Variants in FCHO2 observed in about 807,000 individuals in gnomAD.
FCHO2 encodes FCH and mu domain containing endocytic adaptor 2.
FCHO2 carries 43 observed loss-of-function variants against 114.1 expected under a neutral mutation model. The ratio of observed to expected loss-of-function variants is 0.38; its 90% CI spans 0.30 to 0.49. The LOEUF (loss-of-function observed/expected upper bound fraction) is 0.49, where lower values mean the gene tolerates loss of function less well. Among genes scored for constraint, FCHO2 ranks in the 20% least tolerant of loss-of-function variants. The probability of loss-of-function intolerance (pLI) is 0.97; values close to 1 mark genes in which losing one functional copy is unlikely to be tolerated. For synonymous variants in FCHO2, 293 were observed against 315.2 expected, an observed-to-expected ratio of 0.93 and a Z score of 0.75; for missense variants, 807 against 950.4, an observed-to-expected ratio of 0.85 and a Z score of 1.98.
At chr5:72,964,123 A>G (rs1359343646) in intron 1 of FCHO2, among the ~76,000 whole-genome samples, 2 of 152,038 alleles carry the variant, frequency 1.3e-5, no homozygotes, top group Admixed American at 6.6e-5. Context: ...CGCAAAATAT[A>G]TAAAAATTAA....
At chr5:73,045,077 G>T (rs558571604) in intron 11 of FCHO2, among the ~76,000 whole-genome samples, 1 of 152,154 alleles carries the variant, frequency 6.6e-6, no homozygotes, top group Non-Finnish European at 1.5e-5. Flanking sequence ...TGCATAGAAG[G>T]TTGCAAAGAT....
intron 2 of FCHO2, among the ~76,000 whole-genome samples, chr5:72,979,642 C>T (rs1322263508): frequency 1.1e-4 from 16 of 151,710 alleles, no homozygotes; most frequent in African/African-American, 4.8e-5. Context: ...CCGCCCGCCT[C>T]GGCCTCCCAA....
chr5:72,970,659 C>T (rs899371924), intron 2 of FCHO2, among the ~76,000 whole-genome samples: 3 of 151,654 alleles, frequency 2.0e-5, no homozygotes, highest in African/African-American at 7.3e-5. Context: ...AATAATGCAG[C>T]ATTTCTTTTT....
At chr5:73,052,574 T>G in intron 13 of FCHO2, 67 bp downstream of exon 13, 1 of 1,260,862 alleles carries the variant, frequency 7.9e-7, no homozygotes, top group Non-Finnish European at 1.1e-6. Flanking sequence ...CTGTGTCTGG[T>G]CAAACATTAC....
At chr5:73,048,102 G>A (rs866911797) in intron 11 of FCHO2, among the ~76,000 whole-genome samples, 1 of 152,200 alleles carries the variant, frequency 6.6e-6, no homozygotes, top group Non-Finnish European at 1.5e-5. Flanking sequence ...TCAGCCTCCT[G>A]AAGAACTGGG....
chr5:72,991,030 A>G (rs919325539), intron 5 of FCHO2, among the ~76,000 whole-genome samples, 166 bp downstream of exon 5: 1 of 152,192 alleles, frequency 6.6e-6, no homozygotes. Flanking sequence ...TTTGTAAAGT[A>G]TGTTATCTGT....
chr5:73,033,885 T>G lies in FCHO2; in HGVS notation c.797-772T>G, dbSNP rs77182129. On this transcript the variant is annotated intron_variant, in intron 8 of 25. Coordinates refer to ENST00000430046, the MANE Select transcript of FCHO2 (RefSeq NM_138782.3). The stretch of plus-strand genomic sequence containing the variant: ...TCTGAGCAGTCAGTCATTTCAGGGC[T>G]ATTTTAATTGTTTTCTAATGATTTC... Among the ~76,000 whole-genome samples, 1,058 of 152,318 alleles carry G rather than the reference T, an allele frequency of 6.9e-3. 8 individuals carry two copies. Among genetic ancestry groups the G allele is most frequent in the African/African-American group, 0.025 (1,034 of 41,576 alleles).
intron 10 of FCHO2, among the ~76,000 whole-genome samples, chr5:73,040,701 C>T (rs1213847063): frequency 6.6e-6 from 1 of 152,124 alleles, no homozygotes; most frequent in Non-Finnish European, 1.5e-5. Flanking sequence ...AGAAAGTTAT[C>T]CAACTGGAAG....
intron 8 of FCHO2, among the ~76,000 whole-genome samples, chr5:73,025,767 A>G (rs1755881523): frequency 6.6e-6 from 1 of 152,232 alleles, no homozygotes; most frequent in African/African-American, 2.4e-5. Flanking sequence ...CTTCCTAGAA[A>G]AATAACATAG....
At chr5:72,997,633 T>C (rs1754194664) in intron 5 of FCHO2, 1 of 1,436,950 alleles carries the variant, frequency 7.0e-7, no homozygotes, top group Non-Finnish European at 9.8e-7. Flanking sequence ...TTCACCAGTA[T>C]AGGTTCTGGT....
chr5:72,972,201 T>G (rs1752597231), intron 2 of FCHO2, among the ~76,000 whole-genome samples: 1 of 151,910 alleles, frequency 6.6e-6, no homozygotes, highest in Non-Finnish European at 1.5e-5. Context: ...TTTGGTTCCA[T>G]ATGAACTTTA....
intron 16 of FCHO2, 30 bp downstream of exon 16, chr5:73,056,137 A>G (rs1310553412): frequency 6.7e-7 from 1 of 1,494,900 alleles, no homozygotes; most frequent in Non-Finnish European, 8.9e-7. Flanking sequence ...TTTGTTAAAA[A>G]ATAGACTTTA....
At chr5:73,077,009 T>G (rs1742935011) in intron 20 of FCHO2, among the ~76,000 whole-genome samples, 1 of 152,108 alleles carries the variant, frequency 6.6e-6, no homozygotes, top group Non-Finnish European at 1.5e-5. Context: ...TAGCCACAAC[T>G]AGGTATAGCG....
At position 72,996,974 on chromosome 5, in the gene FCHO2, A is replaced by G. The variant is rs1298663375; in HGVS notation, c.495+6110A>G. On this transcript the variant is annotated intron_variant, in intron 5 of 25. Transcript: ENST00000430046. ...GCGCACGTTCGTGGCCTTCGCCGCCAAGCTCTGGAGCTTCTCCGCCCTTTT... is the reference window on the plus strand; with the variant it reads ...GCGCACGTTCGTGGCCTTCGCCGCCGAGCTCTGGAGCTTCTCCGCCCTTTT... 14 of 1,607,844 alleles carry G rather than the reference A, an allele frequency of 8.7e-6. No individual in the cohort carries two copies. In the African/African-American group the frequency reaches 1.7e-4, roughly 20 times the overall value.
chr5:73,068,880 T>C, intron 19 of FCHO2, 101 bp downstream of exon 19: 1 of 1,347,840 alleles, frequency 7.4e-7, no homozygotes, highest in Non-Finnish European at 9.8e-7. Context: ...AATTTAACAT[T>C]ATAAATTTTG....
At chr5:72,988,797 A>G (rs1207468325) in intron 2 of FCHO2, among the ~76,000 whole-genome samples, 1 of 152,252 alleles carries the variant, frequency 6.6e-6, no homozygotes, top group Non-Finnish European at 1.5e-5. Context: ...TACAAATGAC[A>G]CACTTATCAC....
intron 5 of FCHO2, among the ~76,000 whole-genome samples, chr5:72,995,237 A>G (rs948584286): frequency 1.3e-5 from 2 of 151,856 alleles, no homozygotes; most frequent in African/African-American, 2.4e-5. Flanking sequence ...GTTGCTTATG[A>G]CAGAATACCT....
chr5:73,023,788 C>T (rs1755767418), intron 8 of FCHO2, among the ~76,000 whole-genome samples: 1 of 151,578 alleles, frequency 6.6e-6, no homozygotes, highest in Non-Finnish European at 1.5e-5. Context: ...CCACTAATTT[C>T]GTTTAATATA....
At chr5:72,985,562 A>G (rs1020802821) in intron 2 of FCHO2, among the ~76,000 whole-genome samples, 1 of 152,196 alleles carries the variant, frequency 6.6e-6, no homozygotes, top group African/African-American at 2.4e-5. Context: ...GTTAGTGGCC[A>G]TTGGTGATAA....
Sources: gnomAD v4.1 joint callset for allele counts (sites outside exome capture counted in the v4.1 genomes callset) on GRCh38, gnomAD v4.1.1 for gene constraint, MANE v1.5 for transcripts, NCBI Gene and HGNC (gene_info 2026-07-23, HGNC 2026-07-21) for gene names.